Variants in ASS1 observed in about 807,000 individuals in gnomAD.
ASS1 encodes the protein argininosuccinate synthase 1.
ASS1 carries 58 observed loss-of-function variants against 60.5 expected under a neutral mutation model. That is an observed-to-expected ratio of 0.96 (90% CI 0.78 to 1.19). ASS1 has a LOEUF of 1.19. Among genes scored for constraint, ASS1 ranks in the 50% most tolerant of loss-of-function variants. The pLI, the probability that ASS1 is intolerant of heterozygous loss-of-function variation, is 0.00. For synonymous variants in ASS1, 200 were observed against 206.9 expected (o/e 0.97, Z 0.29); for missense variants, 454 against 547.3 (o/e 0.83, Z 1.70).
At chr9:130,499,453 C>T (rs775239520) in intron 13 of ASS1, 52 bp from the exon 14 acceptor site, 1 of 1,584,442 alleles carries the variant, frequency 6.3e-7, no homozygotes, top group Non-Finnish European at 8.6e-7. Context: ...GTCCTCCCTT[C>T]AAGCAGAGGC....
intron 11 of ASS1, among the ~76,000 whole-genome samples, chr9:130,481,464 G>A (rs1243778583): frequency 6.6e-6 from 1 of 152,152 alleles, no homozygotes; most frequent in African/African-American, 2.4e-5. Context: ...GTATAGTCAC[G>A]GCCCCATGTC....
chr9:130,446,939 AC>A (rs1395793323), intron 1 of ASS1, among the ~76,000 whole-genome samples: 1 of 152,154 alleles, frequency 6.6e-6, no homozygotes, highest in African/African-American at 2.4e-5. Flanking sequence ...CCCTCCCCAG[AC>A]TTGGGGTCGA....
chr9:130,477,534 G>A lies in ASS1; in HGVS notation c.688+573G>A, dbSNP rs1846051118. 6.6e-6 allele frequency among the ~76,000 whole-genome samples: 1 copy of A among 152,194 alleles called. No individual in the cohort carries two copies. The highest frequency in any genetic ancestry group is 1.5e-5 in the Non-Finnish European group (1 of 68,028). On this transcript the variant is annotated intron_variant, in intron 9 of 14. Coordinates refer to ENST00000352480, the MANE Select transcript of ASS1 (RefSeq NM_054012.4). This position sits in a 1 kb window ranked among gnomAD's most constrained non-coding sequence, Gnocchi z 4.2. ...TCCCCTCGGCAGTGGAGGCTGTCCT[G>A]ATCGCTCCCTCCTTCTCACTGCTGT... is the stretch of plus-strand genomic sequence containing the variant.
At chr9:130,451,558 C>T (rs1845326094) in intron 1 of ASS1, 2 of 345,548 alleles carry the variant, frequency 5.8e-6, no homozygotes, top group South Asian at 4.4e-5. Flanking sequence ...AGGAGAGGGA[C>T]TGGGGCTGGG....
At position 130,477,855 on chromosome 9, in the gene ASS1, G is replaced by C. The variant is rs1846060705; in HGVS notation, c.688+894G>C. On this transcript the variant is annotated intron_variant, in intron 9 of 14. Coordinates refer to ENST00000352480, the MANE Select transcript of ASS1 (RefSeq NM_054012.4). The surrounding 1 kb of genome is among the most constrained non-coding windows in gnomAD (Gnocchi z 4.2). ...CACACTGGAGCTGGGATGAGAGGGA[G>C]AGAGGCTCGTGGAGAGGCCTGGCCC... Among the ~76,000 whole-genome samples the C allele has an allele frequency of 6.6e-6, 1 of 152,224 alleles. No homozygotes were observed. Among genetic ancestry groups the C allele is most frequent in the Non-Finnish European group, 1.5e-5 (1 of 68,032 alleles).
chr9:130,474,642 C>T (rs1335672543), intron 8 of ASS1, among the ~76,000 whole-genome samples: 3 of 152,224 alleles, frequency 2.0e-5, no homozygotes, highest in South Asian at 2.1e-4. Context: ...CCTTGGGACC[C>T]GTCTGTGCCC....
rs1846376188 is a variant in ASS1, at chr9:130,488,930, T to A, written c.839-403T>A. 6.6e-6 allele frequency among the ~76,000 whole-genome samples: 1 copy of A among 152,092 alleles called. No homozygotes were observed. On this transcript the variant is annotated intron_variant, in intron 11 of 14. Coordinates refer to ENST00000352480, the MANE Select transcript of ASS1 (RefSeq NM_054012.4). The surrounding 1 kb of genome is among the most constrained non-coding windows in gnomAD (Gnocchi z 5.2). Reference sequence around the variant, plus strand: ...ACATGTATGTGCACAGCTGTCCCCCTCCCCTGGCTCCCTGGTGGAAGGGAA... The same window carrying A: ...ACATGTATGTGCACAGCTGTCCCCCACCCCTGGCTCCCTGGTGGAAGGGAA...
intron 4 of ASS1, among the ~76,000 whole-genome samples, chr9:130,462,850 G>A (rs183404842): frequency 6.6e-6 from 1 of 152,342 alleles, no homozygotes; most frequent in African/African-American, 2.4e-5. Flanking sequence ...GAGCTCAGCT[G>A]GGAAGCCTGA....
At chr9:130,447,307 TCTGC>T (rs1192398303) in intron 1 of ASS1, among the ~76,000 whole-genome samples, 4 of 152,254 alleles carry the variant, frequency 2.6e-5, no homozygotes, top group African/African-American at 9.6e-5. Context: ...CCGCTTAGCC[TCTGC>T]CTCCTCCTTT....
intron 2 of ASS1, 35 bp from the exon 3 acceptor site, chr9:130,454,270 G>T (rs1314205794): frequency 6.3e-6 from 10 of 1,599,868 alleles, no homozygotes; most frequent in Non-Finnish European, 8.5e-6. Flanking sequence ...GCTCCCCCCA[G>T]GGGCTGACGG....
chr9:130,481,062 G>A (rs922705921), intron 11 of ASS1, among the ~76,000 whole-genome samples: 2 of 152,220 alleles, frequency 1.3e-5, no homozygotes, highest in African/African-American at 4.8e-5. Flanking sequence ...CCTCGTATCC[G>A]CCTGTGGCTG....
At chr9:130,458,688 G>A in intron 4 of ASS1, 99 bp downstream of exon 4, 2 of 1,481,998 alleles carry the variant, frequency 1.3e-6, no homozygotes, top group Non-Finnish European at 1.8e-6. Context: ...GTGCCTCCGG[G>A]GCAGACTTGG....
At chr9:130,466,213 A>T (rs1845738468) in intron 5 of ASS1, among the ~76,000 whole-genome samples, 1 of 152,118 alleles carries the variant, frequency 6.6e-6, no homozygotes, top group Non-Finnish European at 1.5e-5. Flanking sequence ...GCTCAAGGGG[A>T]ATGAGCTTGG....
chr9:130,477,463 G>A lies in ASS1; in HGVS notation c.688+502G>A, dbSNP rs1314378525. Among the ~76,000 whole-genome samples, 1 of 152,178 alleles carries A rather than the reference G, an allele frequency of 6.6e-6. No homozygotes were observed. Among genetic ancestry groups the A allele is most frequent in the Non-Finnish European group, 1.5e-5 (1 of 68,038 alleles). On this transcript the variant is annotated intron_variant, in intron 9 of 14. Transcript: ENST00000352480. The surrounding 1 kb of genome is among the most constrained non-coding windows in gnomAD (Gnocchi z 4.2). The stretch of plus-strand genomic sequence containing the variant: ...CGCCAGTCTTCATTGAGCCGCTCTG[G>A]GCCTCACCCTGCTGACCCCACGTTC...
At chr9:130,473,589 C>T (rs1477351449) in intron 8 of ASS1, among the ~76,000 whole-genome samples, 1 of 152,192 alleles carries the variant, frequency 6.6e-6, no homozygotes, top group African/African-American at 2.4e-5. Flanking sequence ...GAGGGTGGGG[C>T]TCAACGTCAG....
chr9:130,482,812 G>T (rs11243474), intron 11 of ASS1, among the ~76,000 whole-genome samples: 21,409 of 152,216 alleles, frequency 0.14, 1,642 homozygotes, highest in Middle Eastern at 0.17. Context: ...GCTTCCTGGA[G>T]CCCAGCCTTC....
At chr9:130,448,211 G>T (rs1429400461) in intron 1 of ASS1, among the ~76,000 whole-genome samples, 1 of 152,026 alleles carries the variant, frequency 6.6e-6, no homozygotes, top group African/African-American at 2.4e-5. Flanking sequence ...TGCTGGGAGG[G>T]CAGGAGCAAC....
In ASS1 at chr9:130,491,567, CTCCAACAGAT is replaced by C. The variant is rs1358008111; in HGVS notation, c.970+2108_970+2117del. On this transcript the variant is annotated intron_variant, in intron 12 of 14. Transcript: ENST00000352480. This position sits in a 1 kb window ranked among gnomAD's most constrained non-coding sequence, Gnocchi z 5.3. The stretch of plus-strand genomic sequence containing the variant: ...GCTGTAGCGGCCAAGTTCCCAGTTA[CTCCAACAGAT>C]TCCAGGATGCTCGTGATCAAGGGGC... 6.6e-6 allele frequency among the ~76,000 whole-genome samples: 1 copy of C among 152,234 alleles called. No homozygotes were observed. Among genetic ancestry groups the C allele is most frequent in the Non-Finnish European group, 1.5e-5 (1 of 68,050 alleles).
intron 1 of ASS1, chr9:130,451,645 C>T (rs901426328): frequency 1.1e-5 from 4 of 358,374 alleles, no homozygotes; most frequent in African/African-American, 6.4e-5. Flanking sequence ...GATTCTTGTG[C>T]CCTCTGTGAC....
Sources: gnomAD v4.1 joint callset for allele counts (sites outside exome capture counted in the v4.1 genomes callset) on GRCh38, gnomAD v4.1.1 for gene constraint, Gnocchi (gnomAD v3.1) non-coding constraint, MANE v1.5 for transcripts, NCBI Gene and HGNC (gene_info 2026-07-23, HGNC 2026-07-21) for gene names.